Variants in ADGRV1 observed in about 807,000 individuals in gnomAD.
The protein encoded by ADGRV1 is G-protein coupled receptor 98.
ADGRV1 carries 359 observed loss-of-function variants against 596.2 expected under a neutral mutation model. That is an observed-to-expected ratio of 0.60 (90% CI 0.55 to 0.66). The LOEUF is 0.66. Ranked by LOEUF, ADGRV1 falls within the 30% of genes least tolerant of loss-of-function variation. The probability of loss-of-function intolerance (pLI) is 0.00; values close to 1 mark genes in which losing one functional copy is unlikely to be tolerated. For synonymous variants in ADGRV1, 2,681 were observed against 2,679.2 expected (o/e 1.00, Z -0.02); for missense variants, 7,274 against 7,575.6 (o/e 0.96, Z 1.48).
intron 83 of ADGRV1, among the ~76,000 whole-genome samples, chr5:90,875,894 G>A (rs558730884): frequency 6.6e-6 from 1 of 152,178 alleles, no homozygotes; most frequent in Non-Finnish European, 1.5e-5. Context: ...AATTTTAATA[G>A]TGTTAACTAG....
intron 83 of ADGRV1, among the ~76,000 whole-genome samples, chr5:90,942,138 A>G (rs775223086): frequency 7.9e-5 from 12 of 152,162 alleles, no homozygotes; most frequent in Non-Finnish European, 1.6e-4. Flanking sequence ...GACACCGTAC[A>G]TTGGCCAAAT....
chr5:91,161,916 AT>A (rs1317335081), intron 89 of ADGRV1, among the ~76,000 whole-genome samples: 6 of 152,226 alleles, frequency 3.9e-5, no homozygotes, highest in Non-Finnish European at 7.3e-5. Context: ...AACATGGTGC[AT>A]TCAGGGCATC....
rs148241792 is a variant in ADGRV1 at position 90,938,969 on chromosome 5, A to T, written c.17857-26446A>T. Among the ~76,000 whole-genome samples the T allele has an allele frequency of 8.8e-3, 1,347 of 152,216 alleles. 18 individuals are homozygous for T. The highest frequency in any genetic ancestry group is 0.031 in the African/African-American group (1,299 of 41,530). On this transcript the variant is annotated intron_variant, in intron 83 of 89. Transcript: ENST00000405460. Reference sequence around the variant, plus strand: ...CATACATATATACTTGTGTTTCTCTATTTTCGATAGTAAATCTATGCTGGT... The same window carrying T: ...CATACATATATACTTGTGTTTCTCTTTTTTCGATAGTAAATCTATGCTGGT...
At chr5:90,844,415 C>T (rs1045188584) in intron 78 of ADGRV1, among the ~76,000 whole-genome samples, 1 of 152,098 alleles carries the variant, frequency 6.6e-6, no homozygotes, top group African/African-American at 2.4e-5. Flanking sequence ...AAGTATTATA[C>T]TAAAAAAGAG....
At chr5:90,644,592 A>G in intron 14 of ADGRV1, 114 bp from the exon 15 acceptor site, 1 of 762,846 alleles carries the variant, frequency 1.3e-6, no homozygotes, top group Non-Finnish European at 2.2e-6. Flanking sequence ...AATAGTTGGC[A>G]GTTATTAAAA....
At chr5:90,658,833 C>T (rs1050632828) in intron 21 of ADGRV1, among the ~76,000 whole-genome samples, 12 of 151,998 alleles carry the variant, frequency 7.9e-5, no homozygotes, top group Admixed American at 5.2e-4. Context: ...TTCAAAGATT[C>T]GTAATCATCT....
At chr5:90,605,083 G>T (rs1761914952) in intron 1 of ADGRV1, among the ~76,000 whole-genome samples, 2 of 152,110 alleles carry the variant, frequency 1.3e-5, no homozygotes, top group South Asian at 4.1e-4. Flanking sequence ...ATGAGCTCAT[G>T]GAAAATGTCA....
At chr5:90,574,075 A>G (rs1204585240) in intron 1 of ADGRV1, among the ~76,000 whole-genome samples, 1 of 151,914 alleles carries the variant, frequency 6.6e-6, no homozygotes, top group African/African-American at 2.4e-5. Flanking sequence ...ATAGTTTGAC[A>G]TCTGGTAGTG....
At chr5:90,604,960 A>C (rs1368992428) in intron 1 of ADGRV1, among the ~76,000 whole-genome samples, 1 of 152,224 alleles carries the variant, frequency 6.6e-6, no homozygotes, top group East Asian at 1.9e-4. Context: ...CTGGAATTAA[A>C]GCTTCTCTAC....
intron 83 of ADGRV1, among the ~76,000 whole-genome samples, chr5:90,958,283 C>CAAAAAAAAAAAAAAAAAAAAA (rs34676985): frequency 1.4e-5 from 1 of 72,840 alleles, no homozygotes; most frequent in Non-Finnish European, 2.7e-5. Context: ...GACCTTGTCT[C>CAAAAAAAAAAAAAAAAAAAAA]AAAAAAAAAA....
In ADGRV1 at chr5:90,559,056, G is replaced by T. The variant is rs556073416; in HGVS notation, c.22+139G>T. 1.9e-4 allele frequency: 120 copies of T among 621,188 alleles called. 3 individuals are homozygous for T. The South Asian group carries it at 4.0e-3, about 21-fold the overall frequency. 38.5% of individuals were successfully genotyped at this position (621,188 alleles called of 1,614,324 possible). A position where few individuals can be genotyped will look rare whatever the true frequency, so the allele number is the denominator to read the frequency against. ...ACAGCCGGGCCCAGGGAGGCTGGGCGCGCACCCGGCGCCGCGGCCTGCGGG... is the reference window on the plus strand; with the variant it reads ...ACAGCCGGGCCCAGGGAGGCTGGGCTCGCACCCGGCGCCGCGGCCTGCGGG... On this transcript the variant is annotated intron_variant, in intron 1 of 89. Transcript: ENST00000405460.
chr5:90,674,197 G>A lies in ADGRV1; in HGVS notation c.5073G>A (p.Thr1691=), dbSNP rs749598143. Residue 1691 remains threonine, a synonymous_variant, in exon 23 of 90, where the codon ACG becomes ACA. Transcript: ENST00000405460. ...CAAGCATAGATCCTGAAAAGGAAAC[G>A]ACTGATATCACCATCAAAGCTAGTG... ...SGASIDPEKE[T]TDITIKASDH... The A allele has an allele frequency of 1.9e-5, 30 of 1,611,200 alleles. No individual in the cohort carries two copies. The South Asian group carries it at 2.5e-4, about 14-fold the overall frequency.
At chr5:90,993,947 A>G (rs1302468363) in intron 85 of ADGRV1, among the ~76,000 whole-genome samples, 4 of 150,456 alleles carry the variant, frequency 2.7e-5, no homozygotes, top group Non-Finnish European at 5.9e-5. Context: ...CAGACATGGT[A>G]ACCACAATTG....
At chr5:90,780,691 TCTTTTTCTTTCTTTCC>T (rs1397648134) in intron 64 of ADGRV1, among the ~76,000 whole-genome samples, 2 of 152,008 alleles carry the variant, frequency 1.3e-5, no homozygotes, top group South Asian at 2.1e-4. Flanking sequence ...TTTCTTTCTT[TCTTTTTCTTTCTTTCC>T]CTTTTTCTTT....
chr5:90,716,039 C>CT (rs1447979552), intron 42 of ADGRV1, among the ~76,000 whole-genome samples: 1 of 152,140 alleles, frequency 6.6e-6, no homozygotes, highest in African/African-American at 2.4e-5. Flanking sequence ...AGTAGACAAT[C>CT]ATGTCATCTA....
intron 88 of ADGRV1, among the ~76,000 whole-genome samples, chr5:91,151,307 G>A (rs1021508525): frequency 2.0e-5 from 3 of 152,124 alleles, no homozygotes; most frequent in African/African-American, 7.2e-5. Flanking sequence ...GTTTGAATGA[G>A]AAATTTTTAT....
In ADGRV1 at chr5:90,879,829, C is replaced by T. The variant is rs558091514; in HGVS notation, c.17856+15972C>T. On this transcript the variant is annotated intron_variant, in intron 83 of 89. Coordinates refer to ENST00000405460, the MANE Select transcript of ADGRV1 (RefSeq NM_032119.4). ...GGGTATGGTGGTGCACGCCTGTAAT[C>T]CCAGCTACTTGGGAGGCTGAGGCAG... Among the ~76,000 whole-genome samples the T allele has an allele frequency of 1.3e-3, 201 of 152,070 alleles. 1 individual carries two copies. The highest frequency in any genetic ancestry group is 1.0e-3 in the South Asian group (5 of 4,814).
chr5:91,065,718 G>A (rs1787827164), intron 85 of ADGRV1, among the ~76,000 whole-genome samples: 1 of 152,178 alleles, frequency 6.6e-6, no homozygotes, highest in Non-Finnish European at 1.5e-5. Flanking sequence ...ATTTCAGTAA[G>A]TATAAAGCAT....
rs143311824 is a variant in ADGRV1 at position 90,654,486 on chromosome 5, G to T, written c.4378+534G>T. ...AGCAGGTAACTTGGTGAATTCTACA[G>T]AGTGCTTTGAAGAGATATTCTTTGT... On this transcript the variant is annotated intron_variant, in intron 20 of 89. Coordinates refer to ENST00000405460, the MANE Select transcript of ADGRV1 (RefSeq NM_032119.4). The T allele has an allele frequency of 3.0e-3, 513 of 169,156 alleles. 6 individuals are homozygous for T. The highest frequency in any genetic ancestry group is 0.012 in the African/African-American group (482 of 41,700). The allele number at this position is 169,156 out of a possible 1,614,324, so 10.5% of individuals were successfully genotyped here.
Sources: gnomAD v4.1 joint callset for allele counts (sites outside exome capture counted in the v4.1 genomes callset) on GRCh38, gnomAD v4.1.1 for gene constraint, MANE v1.5 for transcripts, NCBI Gene and HGNC (gene_info 2026-07-23, HGNC 2026-07-21) for gene names.